Variants in SLIT2 observed in about 807,000 individuals in gnomAD.
SLIT2 encodes the protein slit guidance ligand 2, also known as slit homolog 2 protein.
A neutral mutation model predicts 185.7 loss-of-function variants in SLIT2; 41 were observed. That is an observed-to-expected ratio of 0.22 (90% CI 0.17 to 0.29). SLIT2 has a LOEUF of 0.29. Ranked by LOEUF, SLIT2 falls within the 10% of genes least tolerant of loss-of-function variation. SLIT2 has a pLI of 1.00. For missense variants in SLIT2, 1,571 were observed against 1,909.0 expected (o/e 0.82, Z 3.30); for synonymous variants, 693 against 680.2 (o/e 1.02, Z -0.29).
chr4:20,585,770 A>G (rs1727006998), intron 29 of SLIT2, among the ~76,000 whole-genome samples: 1 of 152,144 alleles, frequency 6.6e-6, no homozygotes, highest in African/African-American at 2.4e-5. Flanking sequence ...AGCCATTGAT[A>G]ATATTATCTC....
At chr4:20,511,221 C>A (rs1719679453) in intron 11 of SLIT2, 84 bp downstream of exon 11, 8 of 738,712 alleles carry the variant, frequency 1.1e-5, no homozygotes, top group East Asian at 7.6e-5. Flanking sequence ...TTAAAAAATG[C>A]TCTCAGGTTT....
In SLIT2 at chr4:20,341,940, C is replaced by T. The variant is rs747081772; in HGVS notation, c.395+73059C>T. On this transcript the variant is annotated intron_variant, in intron 4 of 36. Transcript: ENST00000504154. ...TTTTCGCATGAAATTGCATTTTTGTCTACATGGTTAACTTCCTAGAGTTTG... is the reference window on the plus strand; with the variant it reads ...TTTTCGCATGAAATTGCATTTTTGTTTACATGGTTAACTTCCTAGAGTTTG... Among the ~76,000 whole-genome samples the T allele has an allele frequency of 6.5e-4, 99 of 152,194 alleles. 1 individual carries two copies. Among genetic ancestry groups the T allele is most frequent in the Non-Finnish European group, 8.7e-4 (59 of 68,008 alleles).
intron 7 of SLIT2, among the ~76,000 whole-genome samples, chr4:20,487,313 A>G (rs1410066380): frequency 6.6e-6 from 1 of 152,158 alleles, no homozygotes; most frequent in African/African-American, 2.4e-5. Context: ...GACTAATCTG[A>G]CAGAATTAAC....
At chr4:20,531,950 A>G in intron 16 of SLIT2, 34 bp from the exon 17 acceptor site, 2 of 1,220,786 alleles carry the variant, frequency 1.6e-6, no homozygotes, top group African/African-American at 1.5e-5. Context: ...AACTATTGGT[A>G]ATAAAACTTC....
chr4:20,423,629 A>T (rs1013573067), intron 4 of SLIT2, among the ~76,000 whole-genome samples: 1 of 152,122 alleles, frequency 6.6e-6, no homozygotes, highest in East Asian at 1.9e-4. Context: ...ACAATTTCAC[A>T]TGGGACCTTT....
chr4:20,456,746 C>T lies in SLIT2; in HGVS notation c.396-11006C>T, dbSNP rs371380555. Among the ~76,000 whole-genome samples, 12 of 151,996 alleles carry T rather than the reference C, an allele frequency of 7.9e-5. No homozygotes were observed. In the East Asian group the frequency reaches 2.1e-3, roughly 27 times the overall value. On this transcript the variant is annotated intron_variant, in intron 4 of 36. Coordinates refer to ENST00000504154, the MANE Select transcript of SLIT2 (RefSeq NM_004787.4). ...TGCTATGTTGACTAAATATGAAACT[C>T]ACATATATCCCTGGACACAGTATTG...
chr4:20,545,758 G>A (rs1002542150), intron 21 of SLIT2, among the ~76,000 whole-genome samples: 9 of 151,914 alleles, frequency 5.9e-5, no homozygotes, highest in African/African-American at 1.9e-4. Flanking sequence ...CTAAAAGTAC[G>A]GTTAATTGAA....
At chr4:20,522,734 TTATAA>T in intron 12 of SLIT2, among the ~76,000 whole-genome samples, 1 of 152,132 alleles carries the variant, frequency 6.6e-6, no homozygotes, top group East Asian at 1.9e-4. Context: ...AAACAGGTAT[TTATAA>T]TATAAGACTA....
intron 5 of SLIT2, among the ~76,000 whole-genome samples, chr4:20,476,574 A>G (rs1290672896): frequency 5.9e-5 from 9 of 152,160 alleles, no homozygotes. Context: ...GTTATGTTCT[A>G]TATTGTTAAG....
At chr4:20,497,740 A>G (rs917910690) in intron 9 of SLIT2, among the ~76,000 whole-genome samples, 3 of 152,210 alleles carry the variant, frequency 2.0e-5, no homozygotes, top group Non-Finnish European at 4.4e-5. Flanking sequence ...AAGGTAGACC[A>G]TGACTTTCCC....
At chr4:20,492,046 C>T in intron 9 of SLIT2, 147 bp downstream of exon 9, 1 of 708,032 alleles carries the variant, frequency 1.4e-6, no homozygotes, top group Non-Finnish European at 2.3e-6. Context: ...GATTCTTACT[C>T]TGATTGTTTA....
chr4:20,306,201 G>A (rs73234437), intron 4 of SLIT2, among the ~76,000 whole-genome samples: 7 of 152,198 alleles, frequency 4.6e-5, no homozygotes, highest in Non-Finnish European at 7.4e-5. Flanking sequence ...ATGGAACACG[G>A]GGAGAAAGGG....
chr4:20,606,708 T>C (rs1169373640), intron 33 of SLIT2, among the ~76,000 whole-genome samples: 5 of 152,164 alleles, frequency 3.3e-5, no homozygotes, highest in Admixed American at 2.6e-4. Flanking sequence ...GAAAATAAAA[T>C]CCAAACTCAG....
At chr4:20,288,217 A>G (rs1459761206) in intron 4 of SLIT2, among the ~76,000 whole-genome samples, 1 of 152,230 alleles carries the variant, frequency 6.6e-6, no homozygotes, top group East Asian at 1.9e-4. Flanking sequence ...GTACAGAGCC[A>G]AGTTTTTGTG....
Position 20,596,632 on chromosome 4 carries a change from C to T in SLIT2, c.3538C>T (p.Pro1180Ser). 6.2e-7 allele frequency: 1 copy of T among 1,613,390 alleles called. No individual in the cohort carries two copies. Among genetic ancestry groups the T allele is most frequent in the Non-Finnish European group, 8.5e-7 (1 of 1,179,908 alleles). Residue 1180 changes from proline to serine, a missense_variant, in exon 32 of 37, where the codon CCT becomes TCT. Pro to Ser is a moderately conservative substitution (Grantham distance 74). This residue lies in a region of SLIT2 where 146 missense variants were observed against 247.4 expected (regional missense o/e 0.59). Transcript: ENST00000504154. ...YLQIPSAKVR[P>S]QTNITLQIAT... is the part of the protein sequence containing the mutation. ...TCAGATTCCTTCAGCCAAGGTTCGG[C>T]CTCAGACGAACATAACACTTCAGGT...
chr4:20,542,615 T>A lies in SLIT2; in HGVS notation c.2265T>A (p.Asp755Glu). ...LKVLPKGIPR[D>E]VTELYLDGNQ... ...TCTTGCCGAAAGGTATTCCAAGAGA[T>A]GTCACAGAGTTGTAAGTAGAGCTTG... The change falls in exon 21 of 37, where the codon GAT becomes GAA. Residue 755 changes from aspartate to glutamate, a missense_variant. Transcript: ENST00000504154. The A allele has an allele frequency of 6.2e-7, 1 of 1,613,804 alleles. No homozygotes were observed. Among genetic ancestry groups the A allele is most frequent in the Non-Finnish European group, 8.5e-7 (1 of 1,179,766 alleles).
chr4:20,264,970 C>T (rs1356243242), intron 3 of SLIT2, among the ~76,000 whole-genome samples: 2 of 151,856 alleles, frequency 1.3e-5, no homozygotes, highest in South Asian at 2.1e-4. Flanking sequence ...TGTCTGTGCT[C>T]TCAACAATGA....
chr4:20,354,216 TC>T (rs1722119412), intron 4 of SLIT2, among the ~76,000 whole-genome samples: 1 of 149,938 alleles, frequency 6.7e-6, no homozygotes, highest in Non-Finnish European at 1.5e-5. Flanking sequence ...AGGTTTTTTT[TC>T]TTTTTTTTTT....
intron 4 of SLIT2, among the ~76,000 whole-genome samples, chr4:20,364,945 T>C (rs968632793): frequency 6.6e-6 from 1 of 152,110 alleles, no homozygotes; most frequent in African/African-American, 2.4e-5. Flanking sequence ...TTTTCACAGA[T>C]GAAACATTTC....
Sources: allele counts gnomAD v4.1 joint callset (sites outside exome capture counted in the v4.1 genomes callset), GRCh38; gene constraint gnomAD v4.1.1; regional missense constraint gnomAD v4.1.1; transcripts MANE v1.5; gene names NCBI Gene and HGNC (gene_info 2026-07-23, HGNC 2026-07-21).